Variants in E2F4 observed in about 807,000 individuals in gnomAD.
The protein encoded by E2F4 is E2F transcription factor 4.
E2F4 carries 16 observed loss-of-function variants against 44.5 expected under a neutral mutation model. The ratio of observed to expected loss-of-function variants is 0.36; its 90% confidence interval spans 0.24 to 0.55. E2F4 has a LOEUF of 0.55. Ranked by LOEUF, E2F4 falls within the 20% of genes least tolerant of loss-of-function variation. The probability of loss-of-function intolerance (pLI) is 0.87; values close to 1 mark genes in which losing one functional copy is unlikely to be tolerated. For missense variants in E2F4, 473 were observed against 522.1 expected (o/e 0.91, Z 0.92); for synonymous variants, 242 against 207.2 (o/e 1.17, Z -1.44).
At position 67,194,712 on chromosome 16, in the gene E2F4, G is replaced by A; in HGVS notation, c.540G>A (p.Gln180=). The change falls in exon 6 of 10, where the codon CAG becomes CAA. Residue 180 remains glutamine (Q), a synonymous_variant. Transcript: ENST00000379378. The part of the protein sequence containing the change: ...PEGLNGQKKY[Q]IHLKSVSGPI... The stretch of plus-strand genomic sequence containing the variant: ...GTCTCAATGGGCAGAAGAAGTACCA[G>A]ATTCACCTGAAGAGTGTGAGTGGTC... 2 of 1,613,282 alleles carry A rather than the reference G, an allele frequency of 1.2e-6. No homozygotes were observed. The highest frequency in any genetic ancestry group is 2.2e-5 in the South Asian group (2 of 91,082).
At position 67,198,789 on chromosome 16, in the gene E2F4, G is replaced by A; in HGVS notation, c.*666G>A. 1 of 229,192 alleles carries A rather than the reference G, an allele frequency of 4.4e-6. No individual in the cohort carries two copies. The highest frequency in any genetic ancestry group is 5.1e-5 in the Admixed American group (1 of 19,522). 14.2% of individuals were successfully genotyped at this position (229,192 alleles called of 1,614,324 possible). Reference sequence around the variant, plus strand: ...CATTTACCCTCATTTAGAGCCATTTGCAGAGATTTAGAAAGATTTACAGTA... The same window carrying A: ...CATTTACCCTCATTTAGAGCCATTTACAGAGATTTAGAAAGATTTACAGTA... On this transcript the variant is annotated 3_prime_UTR_variant, in exon 10 of 10. Coordinates refer to ENST00000379378, the MANE Select transcript of E2F4 (RefSeq NM_001950.4).
Position 67,194,683 on chromosome 16 carries a change from T to C in E2F4, c.514-3T>C, listed in dbSNP as rs755807245. The C allele has an allele frequency of 6.2e-7, 1 of 1,610,034 alleles. No individual in the cohort carries two copies. Among genetic ancestry groups the C allele is most frequent in the East Asian group, 2.2e-5 (1 of 44,750 alleles). The stretch of plus-strand genomic sequence containing the variant: ...TCTCCCATCCCTTACCACCCATCTC[T>C]AGGGTCTCAATGGGCAGAAGAAGTA... On this transcript the variant is annotated splice_polypyrimidine_tract_variant and splice_region_variant and intron_variant, in intron 5 of 9. Coordinates refer to ENST00000379378, the MANE Select transcript of E2F4 (RefSeq NM_001950.4).
intron 7 of E2F4, among the ~76,000 whole-genome samples, chr16:67,196,386 C>A (rs1420868114): frequency 4.6e-5 from 7 of 152,230 alleles, no homozygotes; most frequent in Admixed American, 2.0e-4. Flanking sequence ...CCCAGTGTTA[C>A]AGCGGTGTTA....
chr16:67,196,249 T>G (rs772904419), intron 7 of E2F4, among the ~76,000 whole-genome samples: 1 of 152,210 alleles, frequency 6.6e-6, no homozygotes, highest in Non-Finnish European at 1.5e-5. Context: ...GCCTCACTAA[T>G]TGACACTTCT....
chr16:67,197,381 G>T (rs75396868), intron 7 of E2F4, among the ~76,000 whole-genome samples: 2 of 152,182 alleles, frequency 1.3e-5, no homozygotes, highest in East Asian at 3.9e-4. Context: ...TGTACCAATC[G>T]CTTGCAGGGG....
rs932284544 is a variant in E2F4 at position 67,198,372 on chromosome 16, G to A, written c.*249G>A. On this transcript the variant is annotated 3_prime_UTR_variant, in exon 10 of 10. Transcript: ENST00000379378. ...AAAGTGTTTGCTTCTCCCTTTCTGC[G>A]GCCTTCGCCAGCCCAGGCTCGGCTG... 3.8e-5 allele frequency: 19 copies of A among 495,168 alleles called. No individual in the cohort carries two copies. Among genetic ancestry groups the A allele is most frequent in the African/African-American group, 1.4e-4 (7 of 51,732 alleles). The allele number at this position is 495,168 out of a possible 1,614,324, so 30.7% of individuals were successfully genotyped here. A position where few individuals can be genotyped will look rare whatever the true frequency, so the allele number is the denominator to read the frequency against.
intron 7 of E2F4, among the ~76,000 whole-genome samples, chr16:67,196,526 C>T (rs1282222616): frequency 6.6e-6 from 1 of 152,178 alleles, no homozygotes; most frequent in East Asian, 1.9e-4. Context: ...TCTCCTATCT[C>T]ACTGGCTTCT....
intron 1 of E2F4, 180 bp downstream of exon 1, chr16:67,192,542 A>G (rs1356111243): frequency 8.3e-6 from 9 of 1,079,374 alleles, no homozygotes; most frequent in East Asian, 5.3e-5. Flanking sequence ...AGCTACAGCT[A>G]TGGGCCAGGC....
chr16:67,194,226 T>G (rs2032931474), intron 4 of E2F4, 172 bp from the exon 5 acceptor site: 1 of 644,656 alleles, frequency 1.6e-6, no homozygotes, highest in East Asian at 2.8e-5. Context: ...GACCCTGGGC[T>G]CTCAGGAAGA....
intron 3 of E2F4, 110 bp downstream of exon 3, chr16:67,193,280 C>G: frequency 1.3e-6 from 2 of 1,519,606 alleles, no homozygotes; most frequent in Non-Finnish European, 1.8e-6. Flanking sequence ...CTGGCCATGG[C>G]CCAGCCTCAG....
intron 6 of E2F4, 194 bp from the exon 7 acceptor site, chr16:67,195,588 C>G: frequency 8.3e-7 from 1 of 1,206,974 alleles, no homozygotes; most frequent in Non-Finnish European, 1.1e-6. Context: ...GAGTCTTCTT[C>G]TGTAGGTCTT....
chr16:67,195,894 C>T lies in E2F4; in HGVS notation c.921C>T (p.Ser307=), dbSNP rs1432169262. ...RPLQSSALLD[S]SSSSSSSSSS... ...TGCAGTCTTCTGCCCTGCTGGACAG[C>T]AGCAGCAGCAGCAGCAGCAGCAGCA... The change falls in exon 7 of 10, where the codon AGC becomes AGT. Residue 307 remains serine, a synonymous_variant. Transcript: ENST00000379378. 2 of 1,537,926 alleles carry T rather than the reference C, an allele frequency of 1.3e-6. No individual in the cohort carries two copies. The highest frequency in any genetic ancestry group is 1.1e-5 in the South Asian group (1 of 87,200).
At chr16:67,193,547 G>C (rs760543611) in intron 4 of E2F4, 32 bp downstream of exon 4, 2 of 1,613,384 alleles carry the variant, frequency 1.2e-6, no homozygotes, top group Middle Eastern at 1.7e-4. Context: ...GTAAGGGGGT[G>C]GGCTGGGCTC....
chr16:67,193,122 G>T lies in E2F4; in HGVS notation c.359G>T (p.Trp120Leu). The T allele has an allele frequency of 6.4e-7, 1 of 1,574,386 alleles. No individual in the cohort carries two copies. Among genetic ancestry groups the T allele is most frequent in the East Asian group, 2.4e-5 (1 of 42,340 alleles). Reference sequence around the variant, plus strand: ...CAAGAACTAGACCAGCACAAGGTGTGGGTGCAGCAGAGCATCCGGAACGTC... The same window carrying T: ...CAAGAACTAGACCAGCACAAGGTGTTGGTGCAGCAGAGCATCCGGAACGTC... ...REQELDQHKVWVQQSIRNVTE... is the reference protein window; with the variant it reads ...REQELDQHKVLVQQSIRNVTE... Residue 120 changes from tryptophan to leucine, a missense_variant, in exon 3 of 10, where the codon TGG becomes TTG. By Grantham distance (61) the Trp-to-Leu change is moderately conservative. This residue lies in a region of E2F4 where 119 missense variants were observed against 175.6 expected (regional missense o/e 0.68). Coordinates refer to ENST00000379378, the MANE Select transcript of E2F4 (RefSeq NM_001950.4).
intron 3 of E2F4, 49 bp downstream of exon 3, chr16:67,193,219 GGT>G: frequency 1.3e-6 from 2 of 1,540,754 alleles, no homozygotes; most frequent in Non-Finnish European, 1.8e-6. Flanking sequence ...GGGGCCCTCT[GGT>G]TCAACTTGCC....
chr16:67,192,466 G>A, intron 1 of E2F4, 104 bp downstream of exon 1: 1 of 1,345,736 alleles, frequency 7.4e-7, no homozygotes, highest in Non-Finnish European at 9.6e-7. Context: ...AGAGCCGGCC[G>A]CCATCGTGTG....
chr16:67,197,719 G>C, intron 8 of E2F4, 73 bp downstream of exon 8: 1 of 1,602,022 alleles, frequency 6.2e-7, no homozygotes, highest in Non-Finnish European at 8.5e-7. Context: ...CTGTTTTCTT[G>C]CCCTTTTGAG....
At position 67,194,305 on chromosome 16, in the gene E2F4, C is replaced by T. The variant is rs565262883; in HGVS notation, c.452-93C>T. On this transcript the variant is annotated intron_variant, in intron 4 of 9. Transcript: ENST00000379378. ...GCCCACTGTCTAGTTCCTCAGGGAC[C>T]GTGATCTCCTGCCTTGCTCCAAAAG... The T allele has an allele frequency of 2.4e-5, 34 of 1,393,258 alleles. No homozygotes were observed. In the African/African-American group the frequency reaches 3.0e-4, roughly 12 times the overall value. The allele number at this position is 1,393,258 out of a possible 1,614,324, so 86.3% of individuals were successfully genotyped here.
rs759305308 is a variant in E2F4, at chr16:67,192,775, A to G, written c.150A>G (p.Leu50=). The part of the protein sequence containing the change: ...VLDLKLAADT[L]AVRQKRRIYD... ...CTCTCTGCCAGGCAGCTGACACCCT[A>G]GCTGTACGCCAGAAGCGGCGGATTT... Residue 50 remains leucine, a synonymous_variant, in exon 2 of 10, where the codon CTA becomes CTG. Transcript: ENST00000379378. 29 of 1,611,244 alleles carry G rather than the reference A, an allele frequency of 1.8e-5. No individual in the cohort carries two copies. In the Admixed American group the frequency reaches 4.7e-4, roughly 26 times the overall value.
Sources: allele counts gnomAD v4.1 joint callset (sites outside exome capture counted in the v4.1 genomes callset), GRCh38; gene constraint gnomAD v4.1.1; regional missense constraint gnomAD v4.1.1; transcripts MANE v1.5; gene names NCBI Gene and HGNC (gene_info 2026-07-23, HGNC 2026-07-21).